Variants in ZNF385D observed in about 807,000 individuals in gnomAD.
The protein encoded by ZNF385D is zinc finger protein 659.
Under a neutral mutation model 35.8 loss-of-function variants are expected in ZNF385D, and 15 were observed. The ratio of observed to expected loss-of-function variants is 0.42; its 90% CI spans 0.28 to 0.64. ZNF385D has a LOEUF of 0.64. ZNF385D is among the 30% of genes least tolerant of loss of function. ZNF385D has a pLI of 0.23. For synonymous variants in ZNF385D, 212 were observed against 186.8 expected, an observed-to-expected ratio of 1.13 and a Z score of -1.10; for missense variants, 474 against 494.6, an observed-to-expected ratio of 0.96 and a Z score of 0.39.
chr3:22,158,552 A>C (rs1255384832), intron 3 of ZNF385D, among the ~76,000 whole-genome samples: 2 of 152,230 alleles, frequency 1.3e-5, no homozygotes, highest in South Asian at 2.1e-4. Flanking sequence ...AAGGAAAGAG[A>C]AGACATGTAT....
chr3:21,479,049 G>GTATA lies in ZNF385D; in HGVS notation c.439+31808_439+31811dup, dbSNP rs10646425. ...ACCATATATTTCTTGTAAATATTGGGTATATATATATAAATTACTGTGACT... is the reference window on the plus strand; with the variant it reads ...ACCATATATTTCTTGTAAATATTGGGTATATATATATATATAAATTACTGTGACT... On this transcript the variant is annotated intron_variant, in intron 4 of 7. Coordinates refer to ENST00000281523, the MANE Select transcript of ZNF385D (RefSeq NM_024697.3). 1.4e-3 allele frequency among the ~76,000 whole-genome samples: 217 copies of GTATA among 150,436 alleles called. 2 individuals carry two copies. Among genetic ancestry groups the GTATA allele is most frequent in the East Asian group, 0.01 (53 of 5,090 alleles).
chr3:22,233,767 C>T (rs762729286), intron 2 of ZNF385D, among the ~76,000 whole-genome samples: 4 of 152,028 alleles, frequency 2.6e-5, no homozygotes, highest in Non-Finnish European at 2.9e-5. Context: ...TTTAATTACC[C>T]ACCTACTTAT....
intron 1 of ZNF385D, among the ~76,000 whole-genome samples, chr3:21,694,042 C>CTGTTTTTTTTTTTTTTTT (rs2067379702): frequency 4.5e-5 from 1 of 22,178 alleles, no homozygotes; most frequent in Non-Finnish European, 8.5e-5. Flanking sequence ...CTACGCCTGG[C>CTGTTTTTTTTTTTTTTTT]TTTTTTTTTT....
In ZNF385D at chr3:21,860,331, C is replaced by G. The variant is rs538493615; in HGVS notation, c.326-195303G>C. 4.5e-4 allele frequency among the ~76,000 whole-genome samples: 68 copies of G among 152,190 alleles called. No homozygotes were observed. In the South Asian group the frequency reaches 6.6e-3, roughly 15 times the overall value. ...TGGGTGGGACTGCATTACTATTAAG[C>G]CTTATTTGCAAAGACAAGCAGTCAA... On this transcript the variant is annotated intron_variant, in intron 3 of 5. Coordinates refer to the ZNF385D transcript ENST00000494108.
In ZNF385D at chr3:22,202,935, T is replaced by A. The variant is rs141010822; in HGVS notation, c.107-33900A>T. Among the ~76,000 whole-genome samples the A allele has an allele frequency of 4.2e-3, 632 of 152,200 alleles. 8 individuals carry two copies. The highest frequency in any genetic ancestry group is 0.014 in the African/African-American group (598 of 41,566). ...ACTGTGGGCTAAAGTGTTTTGGGGT[T>A]CTAAATAATCTTGAAATGCAATCTA... On this transcript the variant is annotated intron_variant, in intron 2 of 5. Coordinates refer to the ZNF385D transcript ENST00000494108.
At chr3:22,270,819 T>C (rs1415312064) in intron 2 of ZNF385D, among the ~76,000 whole-genome samples, 1 of 152,008 alleles carries the variant, frequency 6.6e-6, no homozygotes, top group Non-Finnish European at 1.5e-5. Flanking sequence ...TGTATTGAAC[T>C]TACTTATGTA....
At chr3:21,911,580 A>G (rs1375870407) in intron 3 of ZNF385D, among the ~76,000 whole-genome samples, 2 of 152,020 alleles carry the variant, frequency 1.3e-5, no homozygotes, top group South Asian at 2.1e-4. Context: ...TGATATTCAT[A>G]TATCACTTGA....
At chr3:22,043,545 AT>A (rs1443569826) in intron 3 of ZNF385D, among the ~76,000 whole-genome samples, 2 of 151,898 alleles carry the variant, frequency 1.3e-5, no homozygotes, top group Non-Finnish European at 2.9e-5. Flanking sequence ...TTGAGTAACT[AT>A]TATGTCCTAT....
chr3:21,976,350 AGT>A lies in ZNF385D; in HGVS notation c.325+192465_325+192466del, dbSNP rs774197661. ...AGTAATAAGAAAACAAATATAAAAT[AGT>A]TTTGATTAGTATCTTCAAATAAATA... On this transcript the variant is annotated intron_variant, in intron 3 of 5. Coordinates refer to the ZNF385D transcript ENST00000494108. Among the ~76,000 whole-genome samples, 87 of 152,360 alleles carry A rather than the reference AGT, an allele frequency of 5.7e-4. 1 individual carries two copies. Among genetic ancestry groups the A allele is most frequent in the Middle Eastern group, 3.4e-3 (1 of 294 alleles).
chr3:21,925,214 G>C (rs1315924853), intron 3 of ZNF385D, among the ~76,000 whole-genome samples: 1 of 152,136 alleles, frequency 6.6e-6, no homozygotes. Flanking sequence ...AAAAGAAAAA[G>C]TGGGAGGAAC....
At chr3:21,597,947 A>G (rs1299337295) in intron 2 of ZNF385D, among the ~76,000 whole-genome samples, 1 of 152,202 alleles carries the variant, frequency 6.6e-6, no homozygotes, top group Non-Finnish European at 1.5e-5. Flanking sequence ...TAATGGGTGT[A>G]GAAAAGCAAA....
intron 3 of ZNF385D, among the ~76,000 whole-genome samples, chr3:22,046,787 G>C (rs775027712): frequency 1.0e-3 from 153 of 152,102 alleles, no homozygotes; most frequent in Non-Finnish European, 1.9e-3. Flanking sequence ...GTCAACAAAA[G>C]GCACTTTTCT....
At chr3:21,444,580 T>C (rs937588248) in intron 4 of ZNF385D, among the ~76,000 whole-genome samples, 2 of 150,936 alleles carry the variant, frequency 1.3e-5, no homozygotes, top group Non-Finnish European at 3.0e-5. Flanking sequence ...AGAGGCGGGG[T>C]TTCACCACGT....
Position 21,530,146 on chromosome 3 carries a change from C to T in ZNF385D, c.277-19123G>A, listed in dbSNP as rs373994163. Among the ~76,000 whole-genome samples the T allele has an allele frequency of 2.7e-4, 41 of 152,276 alleles. No individual in the cohort carries two copies. The East Asian group carries it at 6.0e-3, about 22-fold the overall frequency. On this transcript the variant is annotated intron_variant, in intron 3 of 7. Coordinates refer to ENST00000281523, the MANE Select transcript of ZNF385D (RefSeq NM_024697.3). ...TGTGACATGCCCACTCCCCCTTCAC[C>T]TTTCACCATGACTGCAAACTTCCTG...
At chr3:21,504,530 CAT>C (rs1399333545) in intron 4 of ZNF385D, among the ~76,000 whole-genome samples, 2 of 152,056 alleles carry the variant, frequency 1.3e-5, no homozygotes, top group Non-Finnish European at 2.9e-5. Context: ...TAAATAAAAA[CAT>C]AAGCAAAATA....
chr3:21,844,843 C>T (rs762359287), intron 3 of ZNF385D, among the ~76,000 whole-genome samples: 1 of 151,690 alleles, frequency 6.6e-6, no homozygotes, highest in Non-Finnish European at 1.5e-5. Flanking sequence ...TGTTCAACCT[C>T]ACAAATACAA....
chr3:21,907,967 A>C (rs1263128357), intron 3 of ZNF385D, among the ~76,000 whole-genome samples: 7 of 152,146 alleles, frequency 4.6e-5, no homozygotes, highest in South Asian at 2.1e-4. Context: ...ATAGAAATAA[A>C]AACAACAGGG....
intron 3 of ZNF385D, among the ~76,000 whole-genome samples, chr3:22,004,794 G>C (rs1331366303): frequency 6.6e-6 from 1 of 152,050 alleles, no homozygotes; most frequent in African/African-American, 2.4e-5. Flanking sequence ...CTATTACCTG[G>C]AAGTCCCTTC....
intron 3 of ZNF385D, among the ~76,000 whole-genome samples, chr3:22,112,809 A>G (rs1174574524): frequency 6.6e-6 from 1 of 151,914 alleles, no homozygotes; most frequent in African/African-American, 2.4e-5. Flanking sequence ...AGCCTGTTTT[A>G]CTCAGGGAAT....
Sources: gnomAD v4.1 joint callset for allele counts (sites outside exome capture counted in the v4.1 genomes callset) on GRCh38, gnomAD v4.1.1 for gene constraint, MANE v1.5 for transcripts, NCBI Gene and HGNC (gene_info 2026-07-23, HGNC 2026-07-21) for gene names.